The following ASCC1 variants were observed in gnomAD, a reference collection of about 807,000 sequenced individuals.
ASCC1 encodes ASC-1 complex subunit P50.
In ASCC1, 35 loss-of-function variants were observed where a neutral mutation model predicts 46.6. The observed-to-expected ratio is 0.75, with a 90% confidence interval of 0.57 to 0.99. ASCC1 has a LOEUF of 0.99. ASCC1 is among the 50% of genes least tolerant of loss of function. The probability of loss-of-function intolerance (pLI) is 0.00; values close to 1 mark genes in which losing one functional copy is unlikely to be tolerated. For missense variants in ASCC1, 376 were observed against 428.7 expected (o/e 0.88, Z 1.09); for synonymous variants, 143 against 146.6 (o/e 0.98, Z 0.18).
At chr10:72,133,357 C>G (rs1197693725) in intron 7 of ASCC1, 176 bp from the exon 8 acceptor site, 4 of 651,238 alleles carry the variant, frequency 6.1e-6, no homozygotes, top group African/African-American at 1.8e-5. Context: ...AAAGATCAGT[C>G]TTGTTTGTCT....
chr10:72,175,177 G>T (rs1269964941), intron 5 of ASCC1, among the ~76,000 whole-genome samples: 1 of 152,194 alleles, frequency 6.6e-6, no homozygotes, highest in Admixed American at 6.5e-5. Flanking sequence ...CCTATCAGCA[G>T]CATGACCCTA....
At chr10:72,107,390 C>T (rs986828674) in intron 9 of ASCC1, among the ~76,000 whole-genome samples, 25 of 151,010 alleles carry the variant, frequency 1.7e-4, no homozygotes, top group African/African-American at 5.8e-4. Flanking sequence ...GAGTTTCTGC[C>T]AAATACCGTG....
intron 6 of ASCC1, among the ~76,000 whole-genome samples, chr10:72,156,244 A>T (rs1156793798): frequency 6.6e-6 from 1 of 152,182 alleles, no homozygotes; most frequent in East Asian, 1.9e-4. Flanking sequence ...TGCTTCTGCT[A>T]TGTGATGTGC....
intron 7 of ASCC1, among the ~76,000 whole-genome samples, chr10:72,148,674 T>C (rs2132504411): frequency 6.6e-6 from 1 of 152,324 alleles, no homozygotes; most frequent in Admixed American, 6.5e-5. Flanking sequence ...CAAAATAAAA[T>C]GTGTCAACAT....
chr10:72,195,894 C>A (rs11000212), intron 5 of ASCC1, among the ~76,000 whole-genome samples: 1 of 151,638 alleles, frequency 6.6e-6, no homozygotes, highest in Non-Finnish European at 1.5e-5. Flanking sequence ...ATATAGCAAT[C>A]ATGTAACAGC....
At chr10:72,214,837 T>C (rs976833387) in intron 1 of ASCC1, among the ~76,000 whole-genome samples, 1 of 152,186 alleles carries the variant, frequency 6.6e-6, no homozygotes, top group African/African-American at 2.4e-5. Context: ...AATAACAACT[T>C]AACCAATATG....
At chr10:72,200,059 C>T (rs554748857) in intron 4 of ASCC1, among the ~76,000 whole-genome samples, 12 of 152,198 alleles carry the variant, frequency 7.9e-5, no homozygotes, top group African/African-American at 2.6e-4. Flanking sequence ...CACACTGCAA[C>T]ATTTGTGCTA....
At chr10:72,177,970 T>C (rs1564703655) in intron 5 of ASCC1, among the ~76,000 whole-genome samples, 1 of 152,132 alleles carries the variant, frequency 6.6e-6, no homozygotes, top group Non-Finnish European at 1.5e-5. Context: ...ATATTTCTTA[T>C]ATAACAGATG....
intron 5 of ASCC1, among the ~76,000 whole-genome samples, chr10:72,193,383 C>A (rs575193324): frequency 1.5e-4 from 23 of 152,032 alleles, no homozygotes; most frequent in Admixed American, 6.6e-4. Context: ...AAGCCAGTTA[C>A]CTACTGTATG....
At chr10:72,182,935 T>C (rs1852853465) in intron 5 of ASCC1, among the ~76,000 whole-genome samples, 1 of 151,934 alleles carries the variant, frequency 6.6e-6, no homozygotes, top group Non-Finnish European at 1.5e-5. Flanking sequence ...CATTAAAGCT[T>C]ATACTTTCTT....
intron 4 of ASCC1, among the ~76,000 whole-genome samples, chr10:72,197,467 C>CAAAAAA (rs59460393): frequency 4.1e-4 from 21 of 51,366 alleles, no homozygotes; most frequent in East Asian, 5.9e-4. Context: ...GACTCTATCT[C>CAAAAAA]AAAAAAAAAA....
At chr10:72,174,587 C>T (rs190608692) in intron 5 of ASCC1, among the ~76,000 whole-genome samples, 1 of 152,316 alleles carries the variant, frequency 6.6e-6, no homozygotes, top group East Asian at 1.9e-4. Flanking sequence ...AAATGTGTAG[C>T]ACCCAGAATG....
At chr10:72,143,095 A>G (rs970239767) in intron 7 of ASCC1, among the ~76,000 whole-genome samples, 3 of 146,486 alleles carry the variant, frequency 2.0e-5, no homozygotes, top group Admixed American at 7.1e-5. Flanking sequence ...CAGGCAGTGG[A>G]GCTTGCAGTG....
chr10:72,110,872 G>A (rs1447163284), intron 9 of ASCC1, among the ~76,000 whole-genome samples: 1 of 152,194 alleles, frequency 6.6e-6, no homozygotes, highest in African/African-American at 2.4e-5. Flanking sequence ...CCAAATAATG[G>A]CTGGCCTTGG....
chr10:72,113,938 C>T (rs1843200852), intron 9 of ASCC1, among the ~76,000 whole-genome samples: 1 of 152,160 alleles, frequency 6.6e-6, no homozygotes, highest in South Asian at 2.1e-4. Context: ...CCTAAACTTT[C>T]ACATTTTTCT....
chr10:72,182,778 C>T (rs1852814065), intron 5 of ASCC1, among the ~76,000 whole-genome samples: 1 of 148,750 alleles, frequency 6.7e-6, no homozygotes, highest in African/African-American at 2.5e-5. Context: ...GAGCTTGAGA[C>T]CAACCTGGTC....
At chr10:72,188,517 G>A (rs1853859149) in intron 5 of ASCC1, among the ~76,000 whole-genome samples, 1 of 151,720 alleles carries the variant, frequency 6.6e-6, no homozygotes, top group African/African-American at 2.4e-5. Context: ...AAAAGGAAAA[G>A]AAAAGGAAAA....
intron 9 of ASCC1, among the ~76,000 whole-genome samples, chr10:72,099,889 TA>T (rs1005486770): frequency 6.6e-6 from 1 of 151,948 alleles, no homozygotes; most frequent in Non-Finnish European, 1.5e-5. Flanking sequence ...GAGCAGGGTT[TA>T]AAAAAAATAA....
intron 9 of ASCC1, among the ~76,000 whole-genome samples, chr10:72,112,242 C>T (rs928096084): frequency 2.0e-5 from 3 of 152,090 alleles, no homozygotes; most frequent in South Asian, 4.1e-4. Flanking sequence ...AATATTCAGC[C>T]TTAATAAGGA....
Sources: gnomAD v4.1 joint callset for allele counts (sites outside exome capture counted in the v4.1 genomes callset) on GRCh38, gnomAD v4.1.1 for gene constraint, MANE v1.5 for transcripts, NCBI Gene and HGNC (gene_info 2026-07-23, HGNC 2026-07-21) for gene names.